The following KHDRBS2 variants were observed in gnomAD, a reference collection of about 807,000 sequenced individuals.
KHDRBS2 encodes KH RNA binding domain containing, signal transduction associated 2.
Under a neutral mutation model 44.3 loss-of-function variants are expected in KHDRBS2, and 26 were observed. That is an observed-to-expected ratio of 0.59 (90% CI 0.43 to 0.81). The LOEUF is 0.81. Ranked by LOEUF, KHDRBS2 falls within the 40% of genes least tolerant of loss-of-function variation. KHDRBS2 has a pLI of 0.00. For synonymous variants in KHDRBS2, 194 were observed against 151.1 expected (o/e 1.28, Z -2.08); for missense variants, 476 against 433.1 (o/e 1.10, Z -0.88).
chr6:61,883,153 T>G (rs1800442103), intron 6 of KHDRBS2, among the ~76,000 whole-genome samples: 2 of 152,036 alleles, frequency 1.3e-5, no homozygotes, highest in African/African-American at 4.8e-5. Flanking sequence ...TTTTAATCCT[T>G]AGGCCATGTG....
At chr6:62,090,750 C>A (rs1799347703) in intron 2 of KHDRBS2, among the ~76,000 whole-genome samples, 1 of 151,768 alleles carries the variant, frequency 6.6e-6, no homozygotes, top group South Asian at 2.1e-4. Context: ...CAAATGTTAC[C>A]CTTCATTTAA....
intron 6 of KHDRBS2, among the ~76,000 whole-genome samples, chr6:61,834,601 C>T (rs905327842): frequency 1.3e-5 from 2 of 151,986 alleles, no homozygotes; most frequent in African/African-American, 4.8e-5. Context: ...GCAAAGATGT[C>T]ACTATGCCAA....
chr6:62,194,948 ATTTT>A (rs1322233300), intron 1 of KHDRBS2, among the ~76,000 whole-genome samples: 1 of 151,990 alleles, frequency 6.6e-6, no homozygotes, highest in Non-Finnish European at 1.5e-5. Context: ...TTTTTAGATT[ATTTT>A]GTCAGTTATA....
At chr6:62,260,581 G>A (rs1046351936) in intron 1 of KHDRBS2, among the ~76,000 whole-genome samples, 1 of 151,680 alleles carries the variant, frequency 6.6e-6, no homozygotes, top group African/African-American at 2.4e-5. Flanking sequence ...ATAATGAACT[G>A]GTATTCAGAA....
chr6:61,975,653 G>GCACACACA (rs567222441), intron 4 of KHDRBS2, among the ~76,000 whole-genome samples: 13,444 of 88,250 alleles, frequency 0.15, 683 homozygotes, highest in Middle Eastern at 0.22. Context: ...TAAGCAAGAT[G>GCACACACA]CACACACACA....
At chr6:61,963,556 C>T (rs1050239951) in intron 4 of KHDRBS2, among the ~76,000 whole-genome samples, 5 of 152,024 alleles carry the variant, frequency 3.3e-5, no homozygotes, top group African/African-American at 1.2e-4. Context: ...AAGGGGAACA[C>T]TGAAGAAAGC....
At chr6:62,060,719 G>C (rs560987134) in intron 2 of KHDRBS2, among the ~76,000 whole-genome samples, 10 of 151,186 alleles carry the variant, frequency 6.6e-5, no homozygotes, top group African/African-American at 2.4e-4. Context: ...TCTGCTATAA[G>C]ACCCAAAAAT....
rs1252352672 is a variant in KHDRBS2, at chr6:61,848,507, A to G, written c.810+46128T>C. 7.4e-5 allele frequency among the ~76,000 whole-genome samples: 4 copies of G among 54,384 alleles called. 1 individual carries two copies. Among genetic ancestry groups the G allele is most frequent in the African/African-American group, 4.1e-4 (4 of 9,842 alleles). 35.7% of individuals were successfully genotyped at this position (54,384 alleles called of 152,430 possible). Reference sequence around the variant, plus strand: ...TATATATATGTATATATATATATATATATGTATATATGTATATATATATAC... The same window carrying G: ...TATATATATGTATATATATATATATGTATGTATATATGTATATATATATAC... On this transcript the variant is annotated intron_variant, in intron 6 of 8. Coordinates refer to ENST00000281156, the MANE Select transcript of KHDRBS2 (RefSeq NM_152688.4).
chr6:61,637,272 G>C, the KHDRBS2 span, among the ~76,000 whole-genome samples: 1 of 151,890 alleles, frequency 6.6e-6, no homozygotes, highest in East Asian at 1.9e-4. Context: ...CTATGAGTGA[G>C]AATATGCGGT....
the KHDRBS2 span, among the ~76,000 whole-genome samples, chr6:61,618,781 T>C: frequency 6.6e-6 from 1 of 152,168 alleles, no homozygotes; most frequent in Non-Finnish European, 1.5e-5. Flanking sequence ...GCTCCATCCA[T>C]GTGCCTGCAA....
At chr6:61,984,427 G>A (rs1774620969) in intron 3 of KHDRBS2, among the ~76,000 whole-genome samples, 1 of 152,014 alleles carries the variant, frequency 6.6e-6, no homozygotes, top group Non-Finnish European at 1.5e-5. Context: ...TCACACAAAT[G>A]TTATTTTAAA....
chr6:61,898,866 AT>A (rs1751753745), intron 5 of KHDRBS2, among the ~76,000 whole-genome samples: 1 of 151,968 alleles, frequency 6.6e-6, no homozygotes, highest in South Asian at 2.1e-4. Flanking sequence ...AAAAATTGAG[AT>A]GAAATGGAAT....
chr6:61,955,072 ACG>A (rs1303386996), intron 4 of KHDRBS2, among the ~76,000 whole-genome samples: 1 of 142,754 alleles, frequency 7.0e-6, no homozygotes, highest in African/African-American at 2.5e-5. Flanking sequence ...ATACACATAT[ACG>A]TGTGTATGTA....
At chr6:62,044,635 T>C (rs1419633308) in intron 3 of KHDRBS2, among the ~76,000 whole-genome samples, 2 of 152,086 alleles carry the variant, frequency 1.3e-5, no homozygotes, top group African/African-American at 2.4e-5. Flanking sequence ...CAATATATCC[T>C]GCAAAGTCAC....
intron 7 of KHDRBS2, among the ~76,000 whole-genome samples, chr6:61,704,873 A>T (rs138621376): frequency 4.1e-4 from 63 of 152,010 alleles, no homozygotes; most frequent in African/African-American, 1.4e-3. Context: ...TTTCCTTTAT[A>T]TCCATGAACT....
intron 6 of KHDRBS2, among the ~76,000 whole-genome samples, chr6:61,842,440 A>G (rs1793727000): frequency 6.6e-6 from 1 of 152,172 alleles, no homozygotes; most frequent in African/African-American, 2.4e-5. Flanking sequence ...CAAATTTTAT[A>G]CTAAAGAGAG....
chr6:62,171,607 G>A (rs1820019925), intron 2 of KHDRBS2, among the ~76,000 whole-genome samples: 1 of 151,826 alleles, frequency 6.6e-6, no homozygotes, highest in Admixed American at 6.6e-5. Flanking sequence ...TATAGAAGAT[G>A]ACCATCCCCA....
At chr6:62,048,181 CT>C (rs1490504569) in intron 2 of KHDRBS2, among the ~76,000 whole-genome samples, 187 bp from the exon 3 acceptor site, 1 of 147,542 alleles carries the variant, frequency 6.8e-6, no homozygotes, top group Non-Finnish European at 1.5e-5. Context: ...TTTCAGATAT[CT>C]AATCTAACAC....
At chr6:61,790,664 T>C (rs950321412) in intron 6 of KHDRBS2, among the ~76,000 whole-genome samples, 1 of 151,582 alleles carries the variant, frequency 6.6e-6, no homozygotes, top group Non-Finnish European at 1.5e-5. Flanking sequence ...TTTAAAATTA[T>C]TGTTATTCAT....
Sources: gnomAD v4.1 joint callset for allele counts (sites outside exome capture counted in the v4.1 genomes callset) on GRCh38, gnomAD v4.1.1 for gene constraint, MANE v1.5 for transcripts, NCBI Gene and HGNC (gene_info 2026-07-23, HGNC 2026-07-21) for gene names.